TRIM2: variants seen among roughly 807,000 people sequenced by gnomAD.
TRIM2 encodes the protein tripartite motif containing 2, also known as tripartite motif-containing protein 2.
In TRIM2, 20 loss-of-function variants were observed where a neutral mutation model predicts 75.2. That is an observed-to-expected ratio of 0.27 (90% confidence interval 0.19 to 0.39). The LOEUF (loss-of-function observed/expected upper bound fraction) is 0.39, where lower values mean the gene tolerates loss of function less well. Ranked by LOEUF, TRIM2 falls within the 10% of genes least tolerant of loss-of-function variation. The probability of loss-of-function intolerance (pLI) is 1.00; values close to 1 mark genes in which losing one functional copy is unlikely to be tolerated. For synonymous variants in TRIM2, 373 were observed against 388.3 expected (o/e 0.96, Z 0.46); for missense variants, 660 against 990.8 (o/e 0.67, Z 4.48).
intron 10 of TRIM2, 57 bp downstream of exon 10, chr4:153,324,205 T>A: frequency 1.3e-6 from 2 of 1,497,014 alleles, no homozygotes; most frequent in African/African-American, 1.4e-5. Flanking sequence ...GAGAAATTGG[T>A]CTGCGAGAAA....
chr4:153,316,196 T>C (rs1013932638), intron 8 of TRIM2, among the ~76,000 whole-genome samples, 197 bp downstream of exon 8: 3 of 152,174 alleles, frequency 2.0e-5, no homozygotes, highest in African/African-American at 7.2e-5. Flanking sequence ...ATCCTAAATG[T>C]GGCTTTGTTT....
At position 153,295,555 on chromosome 4, in the gene TRIM2, G is replaced by T; in HGVS notation, c.1029G>T (p.Gly343=). The change falls in exon 6 of 12, where the codon GGG becomes GGT. Residue 343 remains glycine, a synonymous_variant. Transcript: ENST00000338700. The surrounding 1 kb of genome is among the most constrained non-coding windows in gnomAD (Gnocchi z 7.2). Reference sequence around the variant, plus strand: ...TGAAGAAGTCCATCCACAACCTCGGGACGATCTTAACCACCAACGCCGTTG... The same window carrying T: ...TGAAGAAGTCCATCCACAACCTCGGTACGATCTTAACCACCAACGCCGTTG... ...EGLKKSIHNL[G]TILTTNAVAS... is the part of the protein sequence containing the mutation. The T allele has an allele frequency of 6.2e-7, 1 of 1,613,436 alleles. No individual in the cohort carries two copies. Among genetic ancestry groups the T allele is most frequent in the South Asian group, 1.1e-5 (1 of 91,002 alleles).
chr4:153,240,449 T>C (rs1578835767), intron 1 of TRIM2, among the ~76,000 whole-genome samples: 1 of 152,238 alleles, frequency 6.6e-6, no homozygotes, highest in African/African-American at 2.4e-5. Context: ...TAAATATTTT[T>C]CTCCTACTTA....
intron 1 of TRIM2, among the ~76,000 whole-genome samples, chr4:153,194,731 G>A (rs528809569): frequency 1.3e-5 from 2 of 152,066 alleles, no homozygotes; most frequent in African/African-American, 2.4e-5. Flanking sequence ...GTTTTCCCAA[G>A]GTTTTTAAGT....
chr4:153,254,793 AGT>A (rs1751668919), intron 1 of TRIM2, among the ~76,000 whole-genome samples: 1 of 152,222 alleles, frequency 6.6e-6, no homozygotes, highest in African/African-American at 2.4e-5. Context: ...TAACCCATAT[AGT>A]AGTTAAGCCA....
chr4:153,259,055 A>G (rs1010122258), intron 1 of TRIM2, among the ~76,000 whole-genome samples: 1 of 152,232 alleles, frequency 6.6e-6, no homozygotes, highest in African/African-American at 2.4e-5. Context: ...ATTTTCTCCT[A>G]GGAAGACACA....
At chr4:153,296,471 C>T (rs112368729) in intron 6 of TRIM2, among the ~76,000 whole-genome samples, 4 of 152,338 alleles carry the variant, frequency 2.6e-5, no homozygotes, top group Admixed American at 6.5e-5. Flanking sequence ...TGAGGCTGTA[C>T]GGTTGGCAGA....
At chr4:153,247,697 A>C (rs918402071) in intron 1 of TRIM2, among the ~76,000 whole-genome samples, 5 of 151,242 alleles carry the variant, frequency 3.3e-5, no homozygotes, top group African/African-American at 1.2e-4. Flanking sequence ...AAAAAAAAAA[A>C]AAAACTGTAT....
At chr4:153,202,756 G>C (rs965151390), upstream of TRIM2, among the ~76,000 whole-genome samples, 8 of 150,990 alleles carry the variant, frequency 5.3e-5, no homozygotes, top group Non-Finnish European at 1.0e-4. Flanking sequence ...TTTACTTTCT[G>C]GTTCTTGGTT....
At chr4:153,302,608 G>T (rs1764146444) in intron 6 of TRIM2, among the ~76,000 whole-genome samples, 1 of 152,188 alleles carries the variant, frequency 6.6e-6, no homozygotes, top group Non-Finnish European at 1.5e-5. Context: ...GAGAAGACAT[G>T]ATTGTTATTT....
intron 6 of TRIM2, among the ~76,000 whole-genome samples, chr4:153,310,795 A>T (rs1165850061): frequency 3.9e-5 from 6 of 152,256 alleles, no homozygotes; most frequent in Non-Finnish European, 8.8e-5. Context: ...TAAAAATGGT[A>T]GTGCCTGTTT....
In TRIM2 at chr4:153,221,794, AAG is replaced by A. The variant is rs764583473; in HGVS notation, c.30+17237_30+17238del. Among the ~76,000 whole-genome samples, 103 of 62,674 alleles carry A rather than the reference AAG, an allele frequency of 1.6e-3. 1 individual carries two copies. Among genetic ancestry groups the A allele is most frequent in the Non-Finnish European group, 2.3e-3 (87 of 37,488 alleles). The allele number at this position is 62,674 out of a possible 152,430, so 41.1% of individuals were successfully genotyped here. A position where few individuals can be genotyped will look rare whatever the true frequency, so the allele number is the denominator to read the frequency against. ...AGGAAGGAAAGAAGAAAAGGAAGGA[AAG>A]AGCGAGGAAGGAAGGGAGGGAGGGA... On this transcript the variant is annotated intron_variant, in intron 1 of 11. Coordinates refer to ENST00000338700, the MANE Select transcript of TRIM2 (RefSeq NM_015271.5).
intron 1 of TRIM2, among the ~76,000 whole-genome samples, chr4:153,186,843 C>G (rs939001813): frequency 6.6e-6 from 1 of 152,170 alleles, no homozygotes; most frequent in African/African-American, 2.4e-5. Flanking sequence ...CAAGCTCTAC[C>G]TGTGTGGGGA....
rs184814467 is a variant in TRIM2, at chr4:153,288,745, C to T, written c.454-4237C>T. ...ATTTGGTACACTTGATGGTGTCCCA[C>T]GGGCCTCTTAGGTTTTGTTACTTTT... is the stretch of plus-strand genomic sequence containing the variant. On this transcript the variant is annotated intron_variant, in intron 3 of 11. Transcript: ENST00000338700. Among the ~76,000 whole-genome samples the T allele has an allele frequency of 1.4e-3, 209 of 151,458 alleles. 1 individual carries two copies. Among genetic ancestry groups the T allele is most frequent in the African/African-American group, 3.8e-3 (159 of 41,376 alleles).
At chr4:153,283,642 C>CT (rs766776861) in intron 3 of TRIM2, among the ~76,000 whole-genome samples, 1,783 of 124,466 alleles carry the variant, frequency 0.014, 37 homozygotes, top group South Asian at 0.06. Flanking sequence ...TGTTTTTTTT[C>CT]TTTTTTTTTT....
At chr4:153,229,617 G>C (rs1044485138) in intron 1 of TRIM2, among the ~76,000 whole-genome samples, 20 of 152,128 alleles carry the variant, frequency 1.3e-4, no homozygotes, top group Admixed American at 8.5e-4. Context: ...TTGTTAAAAA[G>C]CCTTTAAACA....
chr4:153,249,596 C>T (rs1013672395), intron 1 of TRIM2, among the ~76,000 whole-genome samples: 8 of 149,314 alleles, frequency 5.4e-5, no homozygotes, highest in Admixed American at 4.0e-4. Flanking sequence ...GGCCACCTCC[C>T]TGCTCCCGCC....
At chr4:153,234,141 G>GAGC (rs1744389040) in intron 1 of TRIM2, among the ~76,000 whole-genome samples, 1 of 152,214 alleles carries the variant, frequency 6.6e-6, no homozygotes, top group Non-Finnish European at 1.5e-5. Context: ...CACTGCGGAA[G>GAGC]AGCTAGCTTC....
chr4:153,313,332 A>T (rs1455314078), intron 6 of TRIM2, among the ~76,000 whole-genome samples: 1 of 152,172 alleles, frequency 6.6e-6, no homozygotes, highest in South Asian at 2.1e-4. Context: ...AGTAGATGAG[A>T]TGCAGAGTTA....
Sources: allele counts gnomAD v4.1 joint callset (sites outside exome capture counted in the v4.1 genomes callset), GRCh38; gene constraint gnomAD v4.1.1; non-coding constraint Gnocchi (gnomAD v3.1); transcripts MANE v1.5; gene names NCBI Gene and HGNC (gene_info 2026-07-23, HGNC 2026-07-21).